The following GLIS1 variants were observed in gnomAD, a reference collection of about 807,000 sequenced individuals.
GLIS1 encodes the protein zinc finger protein GLIS1.
Under a neutral mutation model 63.8 loss-of-function variants are expected in GLIS1, and 24 were observed. The ratio of observed to expected loss-of-function variants is 0.38; its 90% CI spans 0.27 to 0.53. The LOEUF is 0.53. Among genes scored for constraint, GLIS1 ranks in the 20% least tolerant of loss-of-function variants. The pLI is 0.85. For missense variants in GLIS1, 1,036 were observed against 1,074.1 expected (o/e 0.96, Z 0.50); for synonymous variants, 450 against 482.5 (o/e 0.93, Z 0.88).
At chr1:53,593,852 A>G (rs942122919) in intron 4 of GLIS1, among the ~76,000 whole-genome samples, 1 of 152,184 alleles carries the variant, frequency 6.6e-6, no homozygotes, top group Non-Finnish European at 1.5e-5. Flanking sequence ...GCGTGCTAAG[A>G]TATATCTAAT....
chr1:53,667,734 C>T (rs996544206), intron 2 of GLIS1, among the ~76,000 whole-genome samples: 8 of 152,126 alleles, frequency 5.3e-5, no homozygotes, highest in South Asian at 4.1e-4. Context: ...CTTCTTGCAG[C>T]GGAAAGCAAA....
intron 2 of GLIS1, among the ~76,000 whole-genome samples, chr1:53,706,576 C>G (rs768225525): frequency 6.6e-6 from 1 of 152,222 alleles, no homozygotes; most frequent in Non-Finnish European, 1.5e-5. Flanking sequence ...CAAGGCCCCA[C>G]CAGGGACCAC....
chr1:53,666,065 G>A (rs1335051651), intron 2 of GLIS1, among the ~76,000 whole-genome samples: 2 of 152,162 alleles, frequency 1.3e-5, no homozygotes, highest in Non-Finnish European at 2.9e-5. Flanking sequence ...AGCATCAAGG[G>A]CTAACCAGAA....
At chr1:53,556,539 G>GTA (rs1491340118) in intron 4 of GLIS1, among the ~76,000 whole-genome samples, 1 of 98,478 alleles carries the variant, frequency 1.0e-5, no homozygotes, top group Admixed American at 1.0e-4. Flanking sequence ...TGTACTGCAG[G>GTA]TGTGTGTGTG....
chr1:53,697,918 CTA>C (rs1646482734), intron 2 of GLIS1, among the ~76,000 whole-genome samples: 1 of 152,134 alleles, frequency 6.6e-6, no homozygotes, highest in Non-Finnish European at 1.5e-5. Flanking sequence ...AACGAACACT[CTA>C]TGTAAAATAC....
In GLIS1 at chr1:53,721,232, C is replaced by T. The variant is rs375543300; in HGVS notation, c.259+16574G>A. ...AGTATACTTGATCCAGGAACAGGAGCAGAAATCTTATTTAGGGTGGCCTAA... is the reference window on the plus strand; with the variant it reads ...AGTATACTTGATCCAGGAACAGGAGTAGAAATCTTATTTAGGGTGGCCTAA... On this transcript the variant is annotated intron_variant, in intron 2 of 10. Coordinates refer to ENST00000628545, the MANE Select transcript of GLIS1 (RefSeq NM_001367484.1). Among the ~76,000 whole-genome samples the T allele has an allele frequency of 3.1e-4, 47 of 152,126 alleles. No individual in the cohort carries two copies. In the East Asian group the frequency reaches 5.6e-3, roughly 18 times the overall value.
At chr1:53,509,625 C>T (rs764563632) in intron 9 of GLIS1, among the ~76,000 whole-genome samples, 124 of 152,278 alleles carry the variant, frequency 8.1e-4, no homozygotes, top group Middle Eastern at 3.4e-3. Flanking sequence ...GCTGCCTTGT[C>T]CAGAACACAC....
intron 2 of GLIS1, among the ~76,000 whole-genome samples, chr1:53,616,136 G>A (rs1185142364): frequency 1.3e-5 from 2 of 152,166 alleles, no homozygotes; most frequent in Non-Finnish European, 2.9e-5. Context: ...AGGAGATTCT[G>A]AAGTTATAAA....
chr1:53,562,789 C>A (rs530139713), intron 4 of GLIS1, among the ~76,000 whole-genome samples: 1 of 152,166 alleles, frequency 6.6e-6, no homozygotes, highest in Non-Finnish European at 1.5e-5. Flanking sequence ...GCCAGATCTG[C>A]GGGAGACACG....
intron 2 of GLIS1, among the ~76,000 whole-genome samples, chr1:53,686,155 T>C (rs1025543239): frequency 1.3e-5 from 2 of 152,160 alleles, no homozygotes; most frequent in African/African-American, 4.8e-5. Flanking sequence ...TTCTCTCTCA[T>C]GCTCCACTGT....
chr1:53,632,891 GTGTGAATGAA>G (rs1645676808), intron 2 of GLIS1, among the ~76,000 whole-genome samples: 1 of 148,466 alleles, frequency 6.7e-6, no homozygotes, highest in Admixed American at 6.7e-5. Context: ...ACTGAGGGGC[GTGTGAATGAA>G]TGTGAATGAG....
intron 2 of GLIS1, among the ~76,000 whole-genome samples, chr1:53,620,351 AGAG>A (rs1279063684): frequency 6.6e-6 from 1 of 152,194 alleles, no homozygotes; most frequent in Non-Finnish European, 1.5e-5. Flanking sequence ...CCATCTGGTC[AGAG>A]GACAGGGTGA....
chr1:53,675,816 C>T (rs1339932736), intron 2 of GLIS1, among the ~76,000 whole-genome samples: 8 of 152,114 alleles, frequency 5.3e-5, no homozygotes, highest in Admixed American at 2.0e-4. Context: ...CCAATTGGAG[C>T]GCTCATTGTC....
Position 53,646,886 on chromosome 1 carries a change from G to T in GLIS1, c.260-46608C>A, listed in dbSNP as rs540553191. ...AAGAAGGAAGGAAGGAAGGAGAAGG[G>T]AAGGGAAGGAAGGAAAGGAAGGAAG... On this transcript the variant is annotated intron_variant, in intron 2 of 10. Transcript: ENST00000628545. The surrounding 1 kb of genome is among the most constrained non-coding windows in gnomAD (Gnocchi z 4.2). Among the ~76,000 whole-genome samples the T allele has an allele frequency of 1.6e-4, 24 of 148,338 alleles. No homozygotes were observed. In the East Asian group the frequency reaches 3.8e-3, roughly 23 times the overall value.
rs1025756548 is a variant in GLIS1, at chr1:53,639,318, G to A, written c.260-39040C>T. Among the ~76,000 whole-genome samples the A allele has an allele frequency of 5.9e-5, 9 of 152,064 alleles. No individual in the cohort carries two copies. Among genetic ancestry groups the A allele is most frequent in the African/African-American group, 1.4e-4 (6 of 41,406 alleles). On this transcript the variant is annotated intron_variant, in intron 2 of 10. Coordinates refer to ENST00000628545, the MANE Select transcript of GLIS1 (RefSeq NM_001367484.1). The surrounding 1 kb of genome is among the most constrained non-coding windows in gnomAD (Gnocchi z 4.6). The stretch of plus-strand genomic sequence containing the variant: ...AGTGGGCTCCACCAGTCCCACCCTC[G>A]TTCGGAGGTGTCCCCTCCCTGCAGG...
intron 2 of GLIS1, among the ~76,000 whole-genome samples, chr1:53,601,006 T>G (rs541570908): frequency 6.6e-6 from 1 of 152,090 alleles, no homozygotes; most frequent in South Asian, 2.1e-4. Flanking sequence ...TGTTCTAAGC[T>G]CCTTCCCCTC....
intron 2 of GLIS1, among the ~76,000 whole-genome samples, chr1:53,685,807 C>T (rs1646330310): frequency 6.6e-6 from 1 of 152,218 alleles, no homozygotes; most frequent in Admixed American, 6.5e-5. Context: ...CTGCCCCTGA[C>T]TGGCCCTTCA....
rs2100533293 is a variant in GLIS1, at chr1:53,594,723, G to A, written c.705C>T (p.Gly235=). The change falls in exon 4 of 11, where the codon GGC becomes GGT. Residue 235 remains glycine (G), a synonymous_variant. Transcript: ENST00000628545. Reference sequence around the variant, plus strand: ...CCAAGACGCAGCACCGCTTCAGGCTGCCCTCGGGGAGGTGGGTCTCGGGCT... The same window carrying A: ...CCAAGACGCAGCACCGCTTCAGGCTACCCTCGGGGAGGTGGGTCTCGGGCT... ...GLQPETHLPE[G]SLKRCCVLGL... 1 of 1,565,878 alleles carries A rather than the reference G, an allele frequency of 6.4e-7. No homozygotes were observed. The highest frequency in any genetic ancestry group is 2.3e-5 in the East Asian group (1 of 44,366).
chr1:53,716,212 A>G (rs1384202155), intron 2 of GLIS1, among the ~76,000 whole-genome samples: 2 of 152,186 alleles, frequency 1.3e-5, no homozygotes, highest in African/African-American at 4.8e-5. Flanking sequence ...TGTCTCCTCT[A>G]GCACCATTTG....
Sources: gnomAD v4.1 joint callset for allele counts (sites outside exome capture counted in the v4.1 genomes callset) on GRCh38, gnomAD v4.1.1 for gene constraint, Gnocchi (gnomAD v3.1) non-coding constraint, MANE v1.5 for transcripts, NCBI Gene and HGNC (gene_info 2026-07-23, HGNC 2026-07-21) for gene names.